CTCF: variants seen among roughly 807,000 people sequenced by gnomAD.
The protein encoded by CTCF is transcriptional repressor CTCF.
CTCF carries 7 observed loss-of-function variants against 72.3 expected under a neutral mutation model. That is an observed-to-expected ratio of 0.10 (90% CI 0.06 to 0.18). The LOEUF is 0.18. Ranked by LOEUF, CTCF falls within the 10% of genes least tolerant of loss-of-function variation. The pLI is 1.00. For missense variants in CTCF, 516 were observed against 949.1 expected, an observed-to-expected ratio of 0.54 and a Z score of 6.00; for synonymous variants, 374 against 315.8, an observed-to-expected ratio of 1.18 and a Z score of -1.95.
intron 2 of CTCF, among the ~76,000 whole-genome samples, chr16:67,605,197 T>C (rs1178788741): frequency 6.6e-6 from 1 of 152,036 alleles, no homozygotes; most frequent in Non-Finnish European, 1.5e-5. Context: ...ATGGTCTCGG[T>C]CTCCTGACCT....
rs1328227521 is a variant in CTCF at position 67,637,730 on chromosome 16, T to C, written c.2042T>C (p.Ile681Thr). 3 of 1,613,700 alleles carry C rather than the reference T, an allele frequency of 1.9e-6. No homozygotes were observed. The highest frequency in any genetic ancestry group is 1.7e-5 in the Admixed American group (1 of 59,972). The change falls in exon 12 of 12, where the codon ATT (isoleucine) becomes ACT (threonine). Residue 681 changes from isoleucine (I) to threonine (T), a missense_variant. Transcript: ENST00000264010. ...IQVEDQNTGAIENIIVEVKKE... is the reference protein window; with the variant it reads ...IQVEDQNTGATENIIVEVKKE... Reference sequence around the variant, plus strand: ...GTTGAAGACCAGAATACAGGTGCAATTGAGAACATTATAGTTGAAGTAAAA... The same window carrying C: ...GTTGAAGACCAGAATACAGGTGCAACTGAGAACATTATAGTTGAAGTAAAA...
At chr16:67,600,299 T>A (rs1048148949) in intron 2 of CTCF, among the ~76,000 whole-genome samples, 5 of 152,044 alleles carry the variant, frequency 3.3e-5, no homozygotes, top group African/African-American at 1.2e-4. Context: ...AGTTCAATGG[T>A]GTAATCTCAG....
intron 10 of CTCF, among the ~76,000 whole-genome samples, chr16:67,633,812 A>ACACT (rs1040709811): frequency 6.6e-6 from 1 of 151,168 alleles, no homozygotes; most frequent in East Asian, 1.9e-4. Flanking sequence ...ACACACACAC[A>ACACT]CACTCTCACT....
At chr16:67,588,332 T>G (rs533587652) in intron 2 of CTCF, among the ~76,000 whole-genome samples, 5 of 152,336 alleles carry the variant, frequency 3.3e-5, no homozygotes, top group South Asian at 4.1e-4. Flanking sequence ...TTGCTATAGA[T>G]TCTCAGTCTT....
intron 2 of CTCF, among the ~76,000 whole-genome samples, chr16:67,588,879 CAG>C (rs945911552): frequency 1.3e-5 from 2 of 151,954 alleles, no homozygotes; most frequent in African/African-American, 4.8e-5. Context: ...TTAGTAGAGA[CAG>C]GGTTTCGCTA....
At chr16:67,614,849 A>G (rs1357848797) in intron 4 of CTCF, 1 of 152,354 alleles carries the variant, frequency 6.6e-6, no homozygotes, top group Non-Finnish European at 1.5e-5. Context: ...CTCGGTCTCA[A>G]GAAAAAGCCA....
At chr16:67,589,588 T>C (rs1217995236) in intron 2 of CTCF, among the ~76,000 whole-genome samples, 1 of 152,148 alleles carries the variant, frequency 6.6e-6, no homozygotes, top group Non-Finnish European at 1.5e-5. Flanking sequence ...ACTATATAGC[T>C]GCTATTTGTT....
intron 4 of CTCF, chr16:67,612,343 G>A (rs544164074): frequency 4.3e-4 from 160 of 374,518 alleles, no homozygotes; most frequent in African/African-American, 3.2e-3. Flanking sequence ...TTAAAAAAAA[G>A]AAGTCTCAGG....
At chr16:67,566,377 G>T (rs1205374451) in intron 1 of CTCF, among the ~76,000 whole-genome samples, 2 of 151,534 alleles carry the variant, frequency 1.3e-5, no homozygotes, top group Non-Finnish European at 2.9e-5. Context: ...GGTGGCATAT[G>T]TCTGTTTCTG....
intron 6 of CTCF, 91 bp from the exon 7 acceptor site, chr16:67,621,335 CTGTAGATTCTCTGTGG>C: frequency 1.3e-6 from 1 of 798,268 alleles, no homozygotes; most frequent in Non-Finnish European, 2.0e-6. Flanking sequence ...TTCCTAAGAC[CTGTAGATTCTCTGTGG>C]TGTAGCATAT....
At chr16:67,624,129 ATATATGTG>A (rs1345948083) in intron 7 of CTCF, among the ~76,000 whole-genome samples, 1 of 131,822 alleles carries the variant, frequency 7.6e-6, no homozygotes, top group African/African-American at 3.3e-5. Flanking sequence ...GTGTGTGTAT[ATATATGTG>A]TGTGTGTGTA....
chr16:67,597,314 G>GT (rs1479987193), intron 2 of CTCF, among the ~76,000 whole-genome samples: 1 of 151,838 alleles, frequency 6.6e-6, no homozygotes, highest in Non-Finnish European at 1.5e-5. Flanking sequence ...AATTACAGGC[G>GT]TAAGTCTCTG....
rs2052136321 is a variant in CTCF, at chr16:67,616,728, C to T, written c.953-17C>T. The T allele has an allele frequency of 1.9e-6, 3 of 1,613,766 alleles. No individual in the cohort carries two copies. The highest frequency in any genetic ancestry group is 1.3e-5 in the African/African-American group (1 of 74,898). On this transcript the variant is annotated splice_polypyrimidine_tract_variant and intron_variant, in intron 4 of 11. Coordinates refer to ENST00000264010, the MANE Select transcript of CTCF (RefSeq NM_006565.4). ...GCCCTTGATCTTGCTCTTCCTGTTACTCCATCCTTTCTCTAGGTACTCGTC... is the reference window on the plus strand; with the variant it reads ...GCCCTTGATCTTGCTCTTCCTGTTATTCCATCCTTTCTCTAGGTACTCGTC...
At chr16:67,595,089 A>AAAT (rs2051794068) in intron 2 of CTCF, among the ~76,000 whole-genome samples, 1 of 152,190 alleles carries the variant, frequency 6.6e-6, no homozygotes, top group African/African-American at 2.4e-5. Context: ...TGATTCAGTC[A>AAAT]GCATCACCAA....
intron 10 of CTCF, 100 bp from the exon 11 acceptor site, chr16:67,636,590 T>TA: frequency 3.8e-5 from 16 of 417,392 alleles, no homozygotes; most frequent in Admixed American, 5.1e-5. Flanking sequence ...TATATATATA[T>TA]TTATAAAACA....
At chr16:67,564,814 C>A (rs2051321359) in intron 1 of CTCF, among the ~76,000 whole-genome samples, 1 of 152,150 alleles carries the variant, frequency 6.6e-6, no homozygotes, top group African/African-American at 2.4e-5. Flanking sequence ...TTGGTTGTTT[C>A]ATATGCAGTC....
In CTCF at chr16:67,562,632, C is replaced by G. The variant is rs2051288634; in HGVS notation, c.-219C>G. ...TTGGCGGCAGCGGCGGCGGCGGTGG[C>G]CGGTGCGGACGCGCGGAGCTCGCCG... On this transcript the variant is annotated 5_prime_UTR_variant, in exon 1 of 12. Transcript: ENST00000264010. 6.5e-6 allele frequency: 1 copy of G among 152,962 alleles called. No homozygotes were observed. Among genetic ancestry groups the G allele is most frequent in the African/African-American group, 2.4e-5 (1 of 41,320 alleles). 9.5% of individuals were successfully genotyped at this position (152,962 alleles called of 1,614,324 possible).
intron 5 of CTCF, among the ~76,000 whole-genome samples, chr16:67,619,806 A>ACTC (rs1185824563): frequency 6.6e-6 from 1 of 152,078 alleles, no homozygotes; most frequent in Non-Finnish European, 1.5e-5. Context: ...CTGGTCTCGA[A>ACTC]CTCCTGACCT....
intron 2 of CTCF, among the ~76,000 whole-genome samples, chr16:67,593,595 C>T (rs2051774311): frequency 6.6e-6 from 1 of 152,204 alleles, no homozygotes; most frequent in South Asian, 2.1e-4. Context: ...TCTGTTAGGC[C>T]ATTTGTTAGG....
Sources: allele counts gnomAD v4.1 joint callset (sites outside exome capture counted in the v4.1 genomes callset), GRCh38; gene constraint gnomAD v4.1.1; transcripts MANE v1.5; gene names NCBI Gene and HGNC (gene_info 2026-07-23, HGNC 2026-07-21).